Variants in VAV3 observed in about 807,000 individuals in gnomAD.
VAV3 encodes the protein vav guanine nucleotide exchange factor 3.
In VAV3, 94 loss-of-function variants were observed where a neutral mutation model predicts 131.2. That is an observed-to-expected ratio of 0.72 (90% CI 0.61 to 0.85). The LOEUF (loss-of-function observed/expected upper bound fraction) is 0.85, where lower values mean the gene tolerates loss of function less well. VAV3 is among the 40% of genes least tolerant of loss of function. The probability of loss-of-function intolerance (pLI) is 0.00; values close to 1 mark genes in which losing one functional copy is unlikely to be tolerated. For synonymous variants in VAV3, 349 were observed against 342.0 expected, an observed-to-expected ratio of 1.02 and a Z score of -0.22; for missense variants, 939 against 1,002.7, an observed-to-expected ratio of 0.94 and a Z score of 0.86.
chr1:107,685,627 G>A (rs1379607466), intron 18 of VAV3: 1 of 152,128 alleles, frequency 6.6e-6, no homozygotes. Context: ...ATGAACTGGT[G>A]TATTTAAAAA....
At position 107,571,383 on chromosome 1, in the gene VAV3, A is replaced by G. The variant is rs1299877273; in HGVS notation, c.*1948T>C. ...GGACAAAGATGTAATTGGTAATGTCACAAAAAGGGGCTCCAATATCCTCTG... is the reference window on the plus strand; with the variant it reads ...GGACAAAGATGTAATTGGTAATGTCGCAAAAAGGGGCTCCAATATCCTCTG... On this transcript the variant is annotated 3_prime_UTR_variant, in exon 27 of 27. Transcript: ENST00000370056. 6.5e-6 allele frequency: 1 copy of G among 152,676 alleles called. No homozygotes were observed. Among genetic ancestry groups the G allele is most frequent in the Non-Finnish European group, 1.5e-5 (1 of 68,054 alleles). 9.5% of individuals were successfully genotyped at this position (152,676 alleles called of 1,614,324 possible).
rs201306494 is a variant in VAV3, at chr1:107,777,284, T to G, written c.393A>C (p.Thr131=). Residue 131 remains threonine, a synonymous_variant, in exon 4 of 27, where the codon ACA becomes ACC. Transcript: ENST00000370056. ...TGTCTTCATCATTAATGCTTTCTTC[T>G]GTTGGGAAGGGCCTAGGAAGAGGAG... is the stretch of plus-strand genomic sequence containing the variant. ...ALATGIRPFP[T]EESINDEDIY... 1 of 1,614,044 alleles carries G rather than the reference T, an allele frequency of 6.2e-7. No individual in the cohort carries two copies. Among genetic ancestry groups the G allele is most frequent in the African/African-American group, 1.3e-5 (1 of 75,040 alleles).
intron 11 of VAV3, 55 bp downstream of exon 11, chr1:107,757,206 T>A: frequency 7.1e-7 from 1 of 1,413,040 alleles, no homozygotes; most frequent in Non-Finnish European, 9.9e-7. Flanking sequence ...TTGAATTCCA[T>A]TGTCTTTAGG....
chr1:107,800,596 T>C (rs184205390), intron 2 of VAV3, among the ~76,000 whole-genome samples: 3 of 152,306 alleles, frequency 2.0e-5, no homozygotes, highest in East Asian at 3.9e-4. Flanking sequence ...GAATATTGCA[T>C]GATGCTGAGG....
chr1:107,613,539 C>T lies in VAV3; in HGVS notation c.1981-3574G>A, dbSNP rs144332715. Reference sequence around the variant, plus strand: ...ATACCTGAATCATTTTCATATATACCCAATTAGTGTCTTCCTTTCCTCTTA... The same window carrying T: ...ATACCTGAATCATTTTCATATATACTCAATTAGTGTCTTCCTTTCCTCTTA... On this transcript the variant is annotated intron_variant, in intron 21 of 26. Transcript: ENST00000370056. Among the ~76,000 whole-genome samples the T allele has an allele frequency of 3.0e-3, 463 of 152,050 alleles. 2 individuals are homozygous for T. The highest frequency in any genetic ancestry group is 0.01 in the African/African-American group (431 of 41,500).
intron 15 of VAV3, among the ~76,000 whole-genome samples, chr1:107,737,553 C>G (rs1435715573): frequency 6.6e-6 from 1 of 152,152 alleles, no homozygotes; most frequent in East Asian, 1.9e-4. Context: ...AGGATATGAA[C>G]AGACACTTCT....
chr1:107,879,150 A>G (rs1670647030), intron 1 of VAV3, among the ~76,000 whole-genome samples: 1 of 152,128 alleles, frequency 6.6e-6, no homozygotes, highest in Non-Finnish European at 1.5e-5. Flanking sequence ...GCTTTCTTAT[A>G]TCAAGTTGTC....
chr1:107,846,561 A>G (rs1487700168), intron 2 of VAV3, among the ~76,000 whole-genome samples: 1 of 152,226 alleles, frequency 6.6e-6, no homozygotes, highest in African/African-American at 2.4e-5. Context: ...AAATAAAGGG[A>G]TGGAGGAATA....
chr1:107,937,830 C>T (rs1278811987), intron 1 of VAV3, among the ~76,000 whole-genome samples: 1 of 152,072 alleles, frequency 6.6e-6, no homozygotes, highest in Non-Finnish European at 1.5e-5. Flanking sequence ...TATAGGTAGG[C>T]CCCAATTTAA....
chr1:107,582,397 T>C (rs187326736), intron 25 of VAV3, among the ~76,000 whole-genome samples: 19 of 152,320 alleles, frequency 1.2e-4, no homozygotes, highest in Middle Eastern at 6.8e-3. Context: ...TATTGTTTAC[T>C]GCTTATTGTA....
chr1:107,757,201 T>C, intron 11 of VAV3, 60 bp downstream of exon 11: 2 of 1,296,252 alleles, frequency 1.5e-6, no homozygotes, highest in Non-Finnish European at 2.2e-6. Flanking sequence ...GCAATTTGAA[T>C]TCCATTGTCT....
At chr1:107,688,271 C>G in intron 18 of VAV3, 110 bp downstream of exon 18, 2 of 1,293,054 alleles carry the variant, frequency 1.5e-6, no homozygotes, top group Non-Finnish European at 2.1e-6. Context: ...CTGTTTATTT[C>G]TATTTATTTT....
chr1:107,619,411 C>T (rs1264002621), intron 20 of VAV3, among the ~76,000 whole-genome samples: 1 of 152,078 alleles, frequency 6.6e-6, no homozygotes, highest in Admixed American at 6.6e-5. Flanking sequence ...TTATCAAGTG[C>T]TCTATAATGG....
intron 15 of VAV3, among the ~76,000 whole-genome samples, chr1:107,725,915 C>T (rs1661811940): frequency 6.6e-6 from 1 of 152,070 alleles, no homozygotes; most frequent in Admixed American, 6.6e-5. Flanking sequence ...GACAATATTC[C>T]CTTTCCTGAA....
intron 2 of VAV3, among the ~76,000 whole-genome samples, chr1:107,845,506 C>A (rs912502791): frequency 6.6e-6 from 1 of 151,682 alleles, no homozygotes; most frequent in Non-Finnish European, 1.5e-5. Flanking sequence ...CTCCTGCGAA[C>A]TAAAGAAGTA....
chr1:107,769,750 C>A (rs1007914501), intron 6 of VAV3, among the ~76,000 whole-genome samples: 1 of 152,204 alleles, frequency 6.6e-6, no homozygotes, highest in Non-Finnish European at 1.5e-5. Flanking sequence ...CCCCTGTAAT[C>A]TTCACCATTC....
chr1:107,921,965 A>G (rs1333137071), intron 1 of VAV3, among the ~76,000 whole-genome samples: 1 of 152,212 alleles, frequency 6.6e-6, no homozygotes, highest in African/African-American at 2.4e-5. Context: ...TTTTTTGTGT[A>G]AACCAGGCCT....
intron 17 of VAV3, among the ~76,000 whole-genome samples, chr1:107,694,913 T>C (rs1659654196): frequency 6.6e-6 from 1 of 152,144 alleles, no homozygotes; most frequent in East Asian, 1.9e-4. Context: ...AGTAAACATA[T>C]GATGTCAGGG....
At chr1:107,828,218 C>T (rs1009504376) in intron 2 of VAV3, among the ~76,000 whole-genome samples, 3 of 152,186 alleles carry the variant, frequency 2.0e-5, no homozygotes, top group African/African-American at 4.8e-5. Context: ...CCTGTTCTTG[C>T]GTTAAATATC....
Sources: gnomAD v4.1 joint callset for allele counts (sites outside exome capture counted in the v4.1 genomes callset) on GRCh38, gnomAD v4.1.1 for gene constraint, MANE v1.5 for transcripts, NCBI Gene and HGNC (gene_info 2026-07-23, HGNC 2026-07-21) for gene names.